Variants in RFX4 observed in about 807,000 individuals in gnomAD.
RFX4 encodes transcription factor RFX4.
A neutral mutation model predicts 95.0 loss-of-function variants in RFX4; 10 were observed. The observed-to-expected ratio is 0.11, with a 90% CI of 0.06 to 0.18. RFX4 has a LOEUF of 0.18. Among genes scored for constraint, RFX4 ranks in the 10% least tolerant of loss-of-function variants. RFX4 has a pLI of 1.00. For synonymous variants in RFX4, 321 were observed against 340.7 expected, an observed-to-expected ratio of 0.94 and a Z score of 0.64; for missense variants, 640 against 922.0, an observed-to-expected ratio of 0.69 and a Z score of 3.96.
At chr12:106,668,037 C>G (rs913915483) in intron 4 of RFX4, among the ~76,000 whole-genome samples, 7 of 152,138 alleles carry the variant, frequency 4.6e-5, no homozygotes, top group Non-Finnish European at 8.8e-5. Flanking sequence ...AGATGTCCCC[C>G]CCATGCCTCA....
At chr12:106,600,119 T>A (rs947368757) in intron 1 of RFX4, among the ~76,000 whole-genome samples, 2 of 152,106 alleles carry the variant, frequency 1.3e-5, no homozygotes, top group African/African-American at 4.8e-5. Flanking sequence ...TCCTATAGCA[T>A]CTCATAAAGT....
chr12:106,658,997 A>T (rs2041017899), intron 4 of RFX4, among the ~76,000 whole-genome samples: 1 of 152,254 alleles, frequency 6.6e-6, no homozygotes. Flanking sequence ...TCAATGAAGC[A>T]TAAACAAAAA....
chr12:106,611,566 A>G (rs1306014600), intron 2 of RFX4, among the ~76,000 whole-genome samples: 2 of 150,844 alleles, frequency 1.3e-5, no homozygotes, highest in Non-Finnish European at 2.9e-5. Flanking sequence ...GCTGGAGTAC[A>G]GTGGCGCTGT....
At chr12:106,633,021 A>T (rs1036726712) in intron 2 of RFX4, among the ~76,000 whole-genome samples, 10 of 152,254 alleles carry the variant, frequency 6.6e-5, no homozygotes, top group Admixed American at 5.9e-4. Context: ...CTCAATAAAT[A>T]TCTGATGAAT....
intron 10 of RFX4, among the ~76,000 whole-genome samples, chr12:106,713,950 G>C (rs1318386902): frequency 6.6e-6 from 1 of 151,134 alleles, no homozygotes; most frequent in Admixed American, 6.6e-5. Context: ...TGCACCTATA[G>C]TCCCAGCTAC....
chr12:106,628,858 C>T (rs938304975), intron 2 of RFX4, among the ~76,000 whole-genome samples: 1 of 149,200 alleles, frequency 6.7e-6, no homozygotes, highest in Non-Finnish European at 1.5e-5. Flanking sequence ...CTCTGAGGTT[C>T]AAGTGATTCT....
At chr12:106,691,836 G>A (rs1476128667) in intron 7 of RFX4, among the ~76,000 whole-genome samples, 1 of 152,138 alleles carries the variant, frequency 6.6e-6, no homozygotes, top group African/African-American at 2.4e-5. Flanking sequence ...AAATGCCATT[G>A]ACTTATAACA....
At chr12:106,726,119 C>T (rs546692867) in intron 13 of RFX4, among the ~76,000 whole-genome samples, 21 of 151,764 alleles carry the variant, frequency 1.4e-4, no homozygotes, top group Admixed American at 3.9e-4. Context: ...CATGTTGGCA[C>T]GCACTGTAAT....
rs973787612 is a variant in RFX4, at chr12:106,762,246, T to G, written c.*777T>G. 1 of 148,960 alleles carries G rather than the reference T, an allele frequency of 6.7e-6. No homozygotes were observed. Among genetic ancestry groups the G allele is most frequent in the South Asian group, 2.1e-4 (1 of 4,680 alleles). The allele number at this position is 148,960 out of a possible 1,614,324, so 9.2% of individuals were successfully genotyped here. On this transcript the variant is annotated 3_prime_UTR_variant, in exon 18 of 18. Transcript: ENST00000392842. ...AGCAAAAGGCAGGAGAGGGTTTTTGTTTTTTTTTTAAGTTCTATGAGAATG... is the reference window on the plus strand; with the variant it reads ...AGCAAAAGGCAGGAGAGGGTTTTTGGTTTTTTTTTAAGTTCTATGAGAATG...
intron 3 of RFX4, among the ~76,000 whole-genome samples, chr12:106,645,029 A>G (rs181186699): frequency 6.6e-6 from 1 of 151,934 alleles, no homozygotes; most frequent in Non-Finnish European, 1.5e-5. Flanking sequence ...TCCTTGCCAC[A>G]AACCCCCTCC....
chr12:106,634,080 A>T (rs1387766822), intron 2 of RFX4, among the ~76,000 whole-genome samples: 1 of 152,264 alleles, frequency 6.6e-6, no homozygotes, highest in East Asian at 1.9e-4. Context: ...TGAGGCAAAT[A>T]GGATAAAAAG....
chr12:106,596,454 A>C (rs1032958036), intron 1 of RFX4, among the ~76,000 whole-genome samples: 2 of 152,224 alleles, frequency 1.3e-5, no homozygotes, highest in Non-Finnish European at 2.9e-5. Context: ...TATCAGCAGC[A>C]TGAAAACGTA....
At chr12:106,633,139 G>A (rs1480047158) in intron 2 of RFX4, among the ~76,000 whole-genome samples, 2 of 152,194 alleles carry the variant, frequency 1.3e-5, no homozygotes, top group Admixed American at 1.3e-4. Context: ...AAAGGGCTTG[G>A]GCATTCAGAC....
At chr12:106,744,558 A>C (rs2042858987) in intron 15 of RFX4, among the ~76,000 whole-genome samples, 1 of 152,242 alleles carries the variant, frequency 6.6e-6, no homozygotes, top group Non-Finnish European at 1.5e-5. Context: ...ACCACGTGCC[A>C]AACTCTCTGA....
chr12:106,669,769 T>G (rs751745675), intron 4 of RFX4, among the ~76,000 whole-genome samples: 4 of 152,148 alleles, frequency 2.6e-5, no homozygotes, highest in Non-Finnish European at 4.4e-5. Flanking sequence ...TATATTTTTC[T>G]TAATATTTTT....
chr12:106,609,742 GTT>G (rs113147940), intron 2 of RFX4, among the ~76,000 whole-genome samples: 1 of 149,306 alleles, frequency 6.7e-6, no homozygotes, highest in Admixed American at 6.7e-5. Context: ...GTTTGATGGG[GTT>G]TTTTTTTTCT....
intron 2 of RFX4, among the ~76,000 whole-genome samples, chr12:106,627,601 AC>A (rs1448583254): frequency 6.6e-6 from 1 of 152,216 alleles, no homozygotes; most frequent in Non-Finnish European, 1.5e-5. Context: ...AATGGAAGTT[AC>A]ATCTCTCTCT....
Position 106,720,216 on chromosome 12 carries a change from C to G in RFX4, c.1233+162C>G, listed in dbSNP as rs1433235600. 6.6e-6 allele frequency among the ~76,000 whole-genome samples: 1 copy of G among 152,200 alleles called. No individual in the cohort carries two copies. Among genetic ancestry groups the G allele is most frequent in the African/African-American group, 2.4e-5 (1 of 41,460 alleles). The stretch of plus-strand genomic sequence containing the variant: ...TCAGGAGGCAGGACTCTTGAGTCTT[C>G]CATCCCTGATTCAACCAGGTCAGCA... On this transcript the variant is annotated intron_variant, in intron 12 of 17. Coordinates refer to ENST00000392842, the MANE Select transcript of RFX4 (RefSeq NM_213594.3). This position sits in a 1 kb window ranked among gnomAD's most constrained non-coding sequence, Gnocchi z 4.2.
chr12:106,759,936 C>A (rs930116700), intron 17 of RFX4, among the ~76,000 whole-genome samples: 3 of 152,124 alleles, frequency 2.0e-5, no homozygotes, highest in Admixed American at 2.0e-4. Context: ...AGCGCCTTCC[C>A]CAGCTCCCCT....
Sources: allele counts gnomAD v4.1 joint callset (sites outside exome capture counted in the v4.1 genomes callset), GRCh38; gene constraint gnomAD v4.1.1; non-coding constraint Gnocchi (gnomAD v3.1); transcripts MANE v1.5; gene names NCBI Gene and HGNC (gene_info 2026-07-23, HGNC 2026-07-21).